The following NFIB variants were observed in gnomAD, a reference collection of about 807,000 sequenced individuals.
NFIB encodes the protein nuclear factor 1 B-type.
Under a neutral mutation model 61.5 loss-of-function variants are expected in NFIB, and 11 were observed. The ratio of observed to expected loss-of-function variants is 0.18; its 90% CI spans 0.11 to 0.30. The LOEUF is 0.30. Ranked by LOEUF, NFIB falls within the 10% of genes least tolerant of loss-of-function variation. The pLI, the probability that NFIB is intolerant of heterozygous loss-of-function variation, is 1.00. For synonymous variants in NFIB, 260 were observed against 216.5 expected, an observed-to-expected ratio of 1.20 and a Z score of -1.76; for missense variants, 471 against 608.9, an observed-to-expected ratio of 0.77 and a Z score of 2.38.
chr9:14,451,630 T>C, the NFIB span, among the ~76,000 whole-genome samples: 2 of 152,214 alleles, frequency 1.3e-5, no homozygotes, highest in African/African-American at 2.4e-5. Context: ...CATACAAGTA[T>C]CCAGTTGCCA....
intron 2 of NFIB, among the ~76,000 whole-genome samples, chr9:14,183,397 G>GA (rs957243256): frequency 2.2e-4 from 32 of 148,646 alleles, no homozygotes; most frequent in African/African-American, 6.2e-4. Flanking sequence ...TGGTGTCTGG[G>GA]AAAAAAAATT....
intron 2 of NFIB, chr9:14,300,055 T>C: frequency 2.5e-6 from 1 of 396,314 alleles, no homozygotes; most frequent in Non-Finnish European, 4.5e-6. Context: ...CACTTAGTTT[T>C]CACAAGTTCT....
rs2061639870 is a variant in NFIB at position 14,392,753 on chromosome 9, TG to T, written c.108+5770del. Among the ~76,000 whole-genome samples, 4 of 151,438 alleles carry T rather than the reference TG, an allele frequency of 2.6e-5. No individual in the cohort carries two copies. In the South Asian group the frequency reaches 8.3e-4, roughly 32 times the overall value. The stretch of plus-strand genomic sequence containing the variant: ...AAGAAAAAGAGATTATTAAGAAAAA[TG>T]GTTACCTCATAGGGTGGTTATTCTC... On this transcript the variant is annotated intron_variant, in intron 1 of 8. Coordinates refer to the NFIB transcript ENST00000380934.
At chr9:14,393,246 T>C (rs1427723955) in intron 1 of NFIB, among the ~76,000 whole-genome samples, 1 of 152,178 alleles carries the variant, frequency 6.6e-6, no homozygotes, top group Non-Finnish European at 1.5e-5. Context: ...ATCCTCCCAG[T>C]GCACTGGAAC....
At chr9:14,475,544 C>T in the NFIB span, among the ~76,000 whole-genome samples, 1 of 152,170 alleles carries the variant, frequency 6.6e-6, no homozygotes, top group African/African-American at 2.4e-5. Context: ...TCCTGTCCTT[C>T]ATTGCTCTCC....
intron 2 of NFIB, among the ~76,000 whole-genome samples, chr9:14,269,725 T>A (rs902289990): frequency 6.6e-6 from 1 of 152,136 alleles, no homozygotes; most frequent in African/African-American, 2.4e-5. Context: ...TACCTATATG[T>A]CCCGATTTTT....
the NFIB span, among the ~76,000 whole-genome samples, chr9:14,407,334 A>G: frequency 2.0e-5 from 3 of 152,226 alleles, no homozygotes; most frequent in Admixed American, 2.0e-4. Context: ...TATTGTCTCA[A>G]TGCAAATCAG....
rs538785841 is a variant in NFIB at position 14,175,867 on chromosome 9, AC to A, written c.616+3859del. ...CCAGCAGAGAATTCCCCACAAAACTACCAGCCTTCCTGAACTCCAAAATAAG... is the reference window on the plus strand; with the variant it reads ...CCAGCAGAGAATTCCCCACAAAACTACAGCCTTCCTGAACTCCAAAATAAG... On this transcript the variant is annotated intron_variant, in intron 3 of 10. Coordinates refer to ENST00000380953, the MANE Select transcript of NFIB (RefSeq NM_001190737.2). 2.0e-4 allele frequency among the ~76,000 whole-genome samples: 31 copies of A among 152,320 alleles called. 1 individual carries two copies. In the South Asian group the frequency reaches 5.6e-3, roughly 27 times the overall value.
intron 4 of NFIB, among the ~76,000 whole-genome samples, chr9:14,150,510 A>G (rs2042748487): frequency 6.6e-6 from 1 of 152,032 alleles, no homozygotes; most frequent in Non-Finnish European, 1.5e-5. Context: ...CCCGAATCCT[A>G]TTCCTCAACC....
In NFIB at chr9:14,082,523, T is replaced by G. The variant is rs1264750157; in HGVS notation, c.*5786A>C. ...GAGAAACCTATGCCTGGGATGTAGT[T>G]ACCCCTCACATTCTACAATGTTGTA... On this transcript the variant is annotated 3_prime_UTR_variant, in exon 11 of 11. Coordinates refer to ENST00000380953, the MANE Select transcript of NFIB (RefSeq NM_001190737.2). The G allele has an allele frequency of 4.8e-6, 1 of 206,526 alleles. No homozygotes were observed. The highest frequency in any genetic ancestry group is 7.4e-5 in the East Asian group (1 of 13,538). The allele number at this position is 206,526 out of a possible 1,614,324, so 12.8% of individuals were successfully genotyped here. A position where few individuals can be genotyped will look rare whatever the true frequency, so the allele number is the denominator to read the frequency against.
the NFIB span, among the ~76,000 whole-genome samples, chr9:14,464,160 T>C: frequency 2.0e-5 from 3 of 152,172 alleles, no homozygotes; most frequent in African/African-American, 4.8e-5. Flanking sequence ...GGAATAAAAA[T>C]TGAAGATAGA....
chr9:14,201,463 T>C (rs1487985122), intron 2 of NFIB, among the ~76,000 whole-genome samples: 4 of 152,200 alleles, frequency 2.6e-5, no homozygotes, highest in Admixed American at 6.5e-5. Context: ...ATGCCTGGAA[T>C]ATCCCTTATT....
the NFIB span, among the ~76,000 whole-genome samples, chr9:14,444,772 T>A: frequency 6.6e-6 from 1 of 152,188 alleles, no homozygotes; most frequent in Non-Finnish European, 1.5e-5. Flanking sequence ...CATTAATAAT[T>A]TAGACAAGAA....
the NFIB span, among the ~76,000 whole-genome samples, chr9:14,485,738 T>C: frequency 6.6e-6 from 1 of 151,814 alleles, no homozygotes; most frequent in Non-Finnish European, 1.5e-5. Context: ...AGTCGGGTGT[T>C]GTGGTGGGCG....
chr9:14,331,964 C>T (rs549425579), intron 1 of NFIB, among the ~76,000 whole-genome samples: 19 of 152,254 alleles, frequency 1.2e-4, no homozygotes, highest in African/African-American at 4.1e-4. Context: ...ATATGGTCTG[C>T]GACAATGACC....
intron 1 of NFIB, among the ~76,000 whole-genome samples, chr9:14,330,715 G>A (rs1018497033): frequency 6.6e-6 from 1 of 152,038 alleles, no homozygotes; most frequent in Non-Finnish European, 1.5e-5. Flanking sequence ...GTAGACCTGA[G>A]GACACACATA....
At chr9:14,319,516 G>A (rs2060616121) in intron 1 of NFIB, among the ~76,000 whole-genome samples, 1 of 152,202 alleles carries the variant, frequency 6.6e-6, no homozygotes, top group East Asian at 1.9e-4. Flanking sequence ...TCTCTTGTCT[G>A]CTGATATTGA....
intron 1 of NFIB, among the ~76,000 whole-genome samples, chr9:14,352,608 T>C (rs2061126620): frequency 6.6e-6 from 1 of 152,224 alleles, no homozygotes; most frequent in African/African-American, 2.4e-5. Context: ...GACAAGCAAG[T>C]GTTTCCATGC....
the NFIB span, among the ~76,000 whole-genome samples, chr9:14,468,793 G>A: frequency 1.3e-5 from 2 of 152,190 alleles, no homozygotes; most frequent in Non-Finnish European, 2.9e-5. Context: ...ATTTCAAGAG[G>A]TAGAAATGAT....
Sources: gnomAD v4.1 joint callset for allele counts (sites outside exome capture counted in the v4.1 genomes callset) on GRCh38, gnomAD v4.1.1 for gene constraint, MANE v1.5 for transcripts, NCBI Gene and HGNC (gene_info 2026-07-23, HGNC 2026-07-21) for gene names.